RIMS2: variants seen among roughly 807,000 people sequenced by gnomAD.
RIMS2 encodes regulating synaptic membrane exocytosis 2.
Under a neutral mutation model 174.4 loss-of-function variants are expected in RIMS2, and 59 were observed. That is an observed-to-expected ratio of 0.34 (90% CI 0.27 to 0.42). RIMS2 has a LOEUF of 0.42. Ranked by LOEUF, RIMS2 falls within the 10% of genes least tolerant of loss-of-function variation. The pLI, the probability that RIMS2 is intolerant of heterozygous loss-of-function variation, is 1.00. For missense variants in RIMS2, 1,620 were observed against 1,666.3 expected (o/e 0.97, Z 0.48); for synonymous variants, 606 against 572.5 (o/e 1.06, Z -0.84).
intron 19 of RIMS2, among the ~76,000 whole-genome samples, chr8:104,044,222 GTCTCTAAGC>G (rs1043970455): frequency 1.1e-4 from 16 of 151,714 alleles, no homozygotes; most frequent in Admixed American, 8.5e-4. Context: ...AGATTAGGAG[GTCTCTAAGC>G]AATGCAGAAA....
At chr8:103,644,696 A>G (rs1174771175) in intron 1 of RIMS2, among the ~76,000 whole-genome samples, 1 of 150,796 alleles carries the variant, frequency 6.6e-6, no homozygotes, top group African/African-American at 2.4e-5. Context: ...AAACATAAAT[A>G]TAAAATGTAA....
intron 1 of RIMS2, among the ~76,000 whole-genome samples, chr8:103,548,291 A>G (rs1846024071): frequency 6.6e-6 from 1 of 152,224 alleles, no homozygotes; most frequent in South Asian, 2.1e-4. Context: ...TGAATCTGAC[A>G]GCACATCAAA....
chr8:103,767,321 G>C (rs1306922951), intron 3 of RIMS2, among the ~76,000 whole-genome samples: 1 of 151,774 alleles, frequency 6.6e-6, no homozygotes, highest in Non-Finnish European at 1.5e-5. Context: ...CCGAGTAGCT[G>C]GGACTACAAG....
intron 1 of RIMS2, among the ~76,000 whole-genome samples, chr8:103,610,912 C>G (rs1168375409): frequency 2.0e-5 from 3 of 152,168 alleles, no homozygotes; most frequent in South Asian, 2.1e-4. Flanking sequence ...CAACTCTTTT[C>G]TATACATCTG....
At chr8:103,561,161 T>C (rs1178449827) in intron 1 of RIMS2, among the ~76,000 whole-genome samples, 2 of 152,186 alleles carry the variant, frequency 1.3e-5, no homozygotes, top group Non-Finnish European at 2.9e-5. Context: ...ATCTGAAATA[T>C]ATATATATCT....
intron 1 of RIMS2, among the ~76,000 whole-genome samples, chr8:103,507,130 C>T (rs1406423091): frequency 6.6e-6 from 1 of 152,100 alleles, no homozygotes; most frequent in Non-Finnish European, 1.5e-5. Flanking sequence ...GAATGCTGAT[C>T]TTCACATCGC....
chr8:103,734,429 T>C (rs1048258493), intron 2 of RIMS2, among the ~76,000 whole-genome samples: 6 of 151,576 alleles, frequency 4.0e-5, no homozygotes, highest in African/African-American at 1.5e-4. Context: ...GGGATATATT[T>C]TATGGATTTA....
chr8:103,532,571 A>T (rs1166052499), intron 1 of RIMS2, among the ~76,000 whole-genome samples: 1 of 152,216 alleles, frequency 6.6e-6, no homozygotes, highest in Non-Finnish European at 1.5e-5. Flanking sequence ...AAAAATATGG[A>T]ATTGGAGCAA....
In RIMS2 at chr8:103,625,334, C is replaced by T. The variant is rs557327406; in HGVS notation, c.177-71752C>T. ...GGTAGATACTAAGACTTAAAGTATC[C>T]TGCCCACAATGAGTTCACATTCTGG... On this transcript the variant is annotated intron_variant, in intron 1 of 23. Transcript: ENST00000504942. Among the ~76,000 whole-genome samples the T allele has an allele frequency of 3.9e-5, 6 of 152,194 alleles. No individual in the cohort carries two copies. In the East Asian group the frequency reaches 5.8e-4, roughly 15 times the overall value.
intron 13 of RIMS2, among the ~76,000 whole-genome samples, chr8:103,938,084 G>T (rs1288889953): frequency 2.0e-5 from 3 of 152,088 alleles, no homozygotes; most frequent in Non-Finnish European, 4.4e-5. Context: ...AAAAGAAAAT[G>T]GTTCGATTGT....
intron 19 of RIMS2, among the ~76,000 whole-genome samples, chr8:104,100,698 A>C (rs906167415): frequency 6.6e-6 from 1 of 150,522 alleles, no homozygotes; most frequent in African/African-American, 2.4e-5. Context: ...CCTTACTGAT[A>C]AGAAAACAAT....
At chr8:103,564,897 T>A (rs951124729) in intron 1 of RIMS2, among the ~76,000 whole-genome samples, 11 of 152,186 alleles carry the variant, frequency 7.2e-5, no homozygotes, top group Non-Finnish European at 1.3e-4. Flanking sequence ...TACCATTTTT[T>A]AGGAATTAGG....
intron 22 of RIMS2, 30 bp downstream of exon 28, chr8:104,249,618 G>T (rs772417620): frequency 2.4e-6 from 3 of 1,228,998 alleles, no homozygotes; most frequent in Non-Finnish European, 3.6e-6. Context: ...TTCTATTATT[G>T]TCCATAATCC....
chr8:104,185,130 A>G (rs950565893), intron 19 of RIMS2, among the ~76,000 whole-genome samples: 3 of 151,554 alleles, frequency 2.0e-5, no homozygotes, highest in Non-Finnish European at 4.4e-5. Flanking sequence ...TTAAATTTAC[A>G]GTTACCTTTT....
intron 1 of RIMS2, among the ~76,000 whole-genome samples, chr8:103,659,915 G>C (rs1489417029): frequency 6.6e-6 from 1 of 152,232 alleles, no homozygotes; most frequent in South Asian, 2.1e-4. Flanking sequence ...GCCTGGGATG[G>C]CAATGAGGCA....
At chr8:103,936,690 G>T (rs774233059) in exon 13 of RIMS2, 1 of 1,609,224 alleles carries the variant, frequency 6.2e-7, no homozygotes, top group East Asian at 2.2e-5. Context: ...TCAAGCTCGT[G>T]TTCGAGAGGA....
At chr8:103,599,221 A>G (rs1010120261) in intron 1 of RIMS2, among the ~76,000 whole-genome samples, 2 of 151,788 alleles carry the variant, frequency 1.3e-5, no homozygotes, top group Non-Finnish European at 2.9e-5. Context: ...TTCAAATACA[A>G]ATGAATATTT....
At chr8:104,171,308 AT>A (rs34025946) in intron 19 of RIMS2, among the ~76,000 whole-genome samples, 5 of 150,430 alleles carry the variant, frequency 3.3e-5, no homozygotes, top group East Asian at 2.0e-4. Flanking sequence ...ACATAATCCC[AT>A]TTTTTTTTGG....
chr8:104,107,236 A>G (rs368282553), intron 19 of RIMS2, among the ~76,000 whole-genome samples: 1 of 152,116 alleles, frequency 6.6e-6, no homozygotes, highest in African/African-American at 2.4e-5. Context: ...TTTTGAGTAA[A>G]GTACCTACTC....
Sources: allele counts gnomAD v4.1 joint callset (sites outside exome capture counted in the v4.1 genomes callset), GRCh38; gene constraint gnomAD v4.1.1; transcripts MANE v1.5; gene names NCBI Gene and HGNC (gene_info 2026-07-23, HGNC 2026-07-21).